RYR1: variants seen among roughly 807,000 people sequenced by gnomAD.
RYR1 encodes central core disease of muscle.
Under a neutral mutation model 583.5 loss-of-function variants are expected in RYR1, and 342 were observed. The observed-to-expected ratio is 0.59, with a 90% CI of 0.54 to 0.64. The LOEUF is 0.64. RYR1 is among the 30% of genes least tolerant of loss of function. The pLI is 0.00. For missense variants in RYR1, 6,032 were observed against 6,917.2 expected (o/e 0.87, Z 4.54); for synonymous variants, 2,791 against 2,822.5 (o/e 0.99, Z 0.35).
At chr19:38,497,045 C>G (rs913294966) in intron 42 of RYR1, 91 bp downstream of exon 42, 28 of 1,083,568 alleles carry the variant, frequency 2.6e-5, no homozygotes, top group Admixed American at 3.8e-5. Flanking sequence ...CAAACTCATT[C>G]TGGGGGGCAA....
intron 11 of RYR1, 30 bp from the exon 12 acceptor site, chr19:38,451,734 C>T (rs986334591): frequency 6.2e-7 from 1 of 1,613,670 alleles, no homozygotes; most frequent in Non-Finnish European, 8.5e-7. Flanking sequence ...TGGCTGGGCC[C>T]ACTCCAGACC....
Position 38,455,436 on chromosome 19 carries a change from C to G in RYR1, c.1577-15C>G. The stretch of plus-strand genomic sequence containing the variant: ...TCCCCAGTCCTATTGGATCTGACAC[C>G]TCTTCCCCCCTCAGCTTCTCTAATC... On this transcript the variant is annotated splice_polypyrimidine_tract_variant and intron_variant, in intron 14 of 105. Coordinates refer to ENST00000359596, the MANE Select transcript of RYR1 (RefSeq NM_000540.3). 1.2e-6 allele frequency: 2 copies of G among 1,614,136 alleles called. No individual in the cohort carries two copies. The highest frequency in any genetic ancestry group is 1.7e-6 in the Non-Finnish European group (2 of 1,179,984).
chr19:38,526,575 C>A (rs1366409745), intron 71 of RYR1, among the ~76,000 whole-genome samples: 2 of 148,812 alleles, frequency 1.3e-5, no homozygotes. Context: ...CCTGCTGATG[C>A]CCCCTTTGGC....
At chr19:38,583,584 A>T (rs1028024468) in intron 101 of RYR1, among the ~76,000 whole-genome samples, 2 of 151,826 alleles carry the variant, frequency 1.3e-5, no homozygotes, top group Non-Finnish European at 2.9e-5. Context: ...CCCACTGTAG[A>T]TAAAGTCGAA....
In RYR1 at chr19:38,494,542, G is replaced by GCTCGAGTGC; in HGVS notation, c.6470_6478dup (p.Glu2157_Leu2159dup). The GCTCGAGTGC allele has an allele frequency of 6.2e-7, 1 of 1,614,050 alleles. No individual in the cohort carries two copies. Among genetic ancestry groups the GCTCGAGTGC allele is most frequent in the Non-Finnish European group, 8.5e-7 (1 of 1,180,050 alleles). ...CCTCCGTGGAAGACACCATGAGCCT[G>GCTCGAGTGC]CTCGAGTGCCTCGGCCAGATCCGCT... is the stretch of plus-strand genomic sequence containing the variant. On this transcript the variant is annotated inframe_insertion, in exon 39 of 106. Transcript: ENST00000359596.
intron 99 of RYR1, 104 bp downstream of exon 99, chr19:38,578,308 T>A: frequency 8.8e-7 from 1 of 1,136,114 alleles, no homozygotes; most frequent in Non-Finnish European, 1.3e-6. Context: ...CCTGGGACCC[T>A]GAGTGGCTGT....
intron 1 of RYR1, among the ~76,000 whole-genome samples, chr19:38,434,830 G>T (rs996107797): frequency 6.6e-6 from 1 of 152,092 alleles, no homozygotes; most frequent in Non-Finnish European, 1.5e-5. Context: ...CGCTAGCCCC[G>T]CCCCTCCCCC....
chr19:38,460,638 G>T lies in RYR1; in HGVS notation c.2577+47G>T, dbSNP rs542525260. Reference sequence around the variant, plus strand: ...TTTTCTGGCGAGGCAGGGTCTCTTAGGAGTCAGAGAGGGGGCAGGGTGCCA... The same window carrying T: ...TTTTCTGGCGAGGCAGGGTCTCTTATGAGTCAGAGAGGGGGCAGGGTGCCA... On this transcript the variant is annotated intron_variant, in intron 20 of 105. Coordinates refer to ENST00000359596, the MANE Select transcript of RYR1 (RefSeq NM_000540.3). 7.1e-6 allele frequency: 11 copies of T among 1,554,648 alleles called. No individual in the cohort carries two copies. In the East Asian group the frequency reaches 2.0e-4, roughly 28 times the overall value.
rs1784566209 is a variant in RYR1 at position 38,574,521 on chromosome 19, G to C, written c.14129+1214G>C. On this transcript the variant is annotated intron_variant, in intron 96 of 105. Coordinates refer to ENST00000359596, the MANE Select transcript of RYR1 (RefSeq NM_000540.3). ...CTAGCGCATGCCTGTAGTCTTAGCT[G>C]TTTGGGAGGCTGAGGCTGGAGGATG... Among the ~76,000 whole-genome samples the C allele has an allele frequency of 2.0e-5, 3 of 151,872 alleles. No individual in the cohort carries two copies. The South Asian group carries it at 6.2e-4, about 32-fold the overall frequency.
intron 56 of RYR1, 29 bp downstream of exon 56, chr19:38,506,575 ACC>A: frequency 6.2e-7 from 1 of 1,609,764 alleles, no homozygotes; most frequent in African/African-American, 1.3e-5. Context: ...CCCCCACGCT[ACC>A]CCCGTGGATT....
rs1972284596 is a variant in RYR1, at chr19:38,543,395, ACAT to A, written c.11745_11747del (p.Ile3916del). ...CAGACAGGGAACACGACCACTATTA[ACAT>A]CATCATTTGCACTGTGGACTACCTC... On this transcript the variant is annotated inframe_deletion, in exon 85 of 106. Coordinates refer to ENST00000359596, the MANE Select transcript of RYR1 (RefSeq NM_000540.3). This position sits in a 1 kb window ranked among gnomAD's most constrained non-coding sequence, Gnocchi z 4.4. 1.9e-6 allele frequency: 3 copies of A among 1,614,200 alleles called. No individual in the cohort carries two copies. The highest frequency in any genetic ancestry group is 2.5e-6 in the Non-Finnish European group (3 of 1,180,036).
At chr19:38,457,241 T>C (rs185297004) in intron 16 of RYR1, among the ~76,000 whole-genome samples, 2 of 151,886 alleles carry the variant, frequency 1.3e-5, no homozygotes, top group Admixed American at 6.6e-5. Context: ...TACTCCAGTA[T>C]CTCCTTCCTT....
At chr19:38,532,609 A>G in intron 77 of RYR1, 62 bp from the exon 78 acceptor site, 1 of 1,613,622 alleles carries the variant, frequency 6.2e-7, no homozygotes, top group Non-Finnish European at 8.5e-7. Context: ...GTCCACAAAA[A>G]GGGCTGGGGC....
rs535928651 is a variant in RYR1 at position 38,441,063 on chromosome 19, G to T, written c.165+199G>T. On this transcript the variant is annotated intron_variant, in intron 2 of 105. Transcript: ENST00000359596. ...AGAAGGGAGGGGCAGGGGGTCTGGG[G>T]TGTTGGAGGGAATCCCTGTGTGCAC... Among the ~76,000 whole-genome samples, 235 of 151,500 alleles carry T rather than the reference G, an allele frequency of 1.6e-3. 2 individuals carry two copies. The highest frequency in any genetic ancestry group is 0.014 in the South Asian group (65 of 4,768).
chr19:38,534,462 G>T (rs985879846), intron 78 of RYR1, among the ~76,000 whole-genome samples: 2 of 152,202 alleles, frequency 1.3e-5, no homozygotes, highest in Non-Finnish European at 2.9e-5. Context: ...TTCACAGATG[G>T]CCTGGAGGCC....
intron 75 of RYR1, 34 bp downstream of exon 75, chr19:38,528,729 G>A (rs895431320): frequency 1.2e-6 from 2 of 1,605,884 alleles, no homozygotes; most frequent in African/African-American, 1.3e-5. Context: ...AGTGGGGGGC[G>A]AGCTGGATAG....
intron 3 of RYR1, among the ~76,000 whole-genome samples, 190 bp downstream of exon 3, chr19:38,442,643 T>A (rs1972749741): frequency 6.6e-6 from 1 of 152,082 alleles, no homozygotes; most frequent in Admixed American, 6.5e-5. Flanking sequence ...GCCTTGGATG[T>A]CACCTGTCCT....
intron 76 of RYR1, 123 bp downstream of exon 76, chr19:38,529,180 T>C: frequency 3.3e-6 from 3 of 922,338 alleles, no homozygotes; most frequent in Non-Finnish European, 5.2e-6. Flanking sequence ...GACAGACGGA[T>C]CTTTAAATAT....
At chr19:38,436,423 G>A (rs1294818652) in intron 1 of RYR1, among the ~76,000 whole-genome samples, 1 of 151,914 alleles carries the variant, frequency 6.6e-6, no homozygotes, top group African/African-American at 2.4e-5. Flanking sequence ...TGCCCAGGCT[G>A]GTGTCAAACT....
Sources: allele counts gnomAD v4.1 joint callset (sites outside exome capture counted in the v4.1 genomes callset), GRCh38; gene constraint gnomAD v4.1.1; non-coding constraint Gnocchi (gnomAD v3.1); transcripts MANE v1.5; gene names NCBI Gene and HGNC (gene_info 2026-07-23, HGNC 2026-07-21).